The following KNTC1 variants were observed in gnomAD, a reference collection of about 807,000 sequenced individuals.
KNTC1 encodes kinetochore-associated protein 1.
KNTC1 carries 253 observed loss-of-function variants against 314.4 expected under a neutral mutation model. That is an observed-to-expected ratio of 0.80 (90% CI 0.73 to 0.89). The LOEUF (loss-of-function observed/expected upper bound fraction) is 0.89, where lower values mean the gene tolerates loss of function less well. KNTC1 is among the 40% of genes least tolerant of loss of function. The pLI is 0.00. For synonymous variants in KNTC1, 901 were observed against 901.4 expected (o/e 1.00, Z 0.01); for missense variants, 2,475 against 2,572.9 (o/e 0.96, Z 0.82).
At chr12:122,540,999 C>T (rs1234815917) in intron 5 of KNTC1, among the ~76,000 whole-genome samples, 1 of 151,858 alleles carries the variant, frequency 6.6e-6, no homozygotes, top group Non-Finnish European at 1.5e-5. Context: ...AGAGAGACCG[C>T]CACCTCTACA....
chr12:122,603,365 A>G (rs1872195740), intron 48 of KNTC1, 122 bp downstream of exon 48: 1 of 757,412 alleles, frequency 1.3e-6, no homozygotes. Flanking sequence ...ACTGTGGTGA[A>G]TGCTGAAACG....
chr12:122,548,828 C>T (rs1328513221), intron 12 of KNTC1, among the ~76,000 whole-genome samples: 2 of 151,968 alleles, frequency 1.3e-5, no homozygotes, highest in East Asian at 3.9e-4. Context: ...ATTAGCCGGG[C>T]TTGGTGGCGT....
rs796953117 is a variant in KNTC1, at chr12:122,601,587, C to T, written c.4615C>T (p.Arg1539Ter). 3.9e-6 allele frequency: 6 copies of T among 1,535,892 alleles called. No individual in the cohort carries two copies. Among genetic ancestry groups the T allele is most frequent in the South Asian group, 3.8e-5 (3 of 79,868 alleles). Reference protein sequence around the residue: ...MIEVVLKVIERADEKITNINI... With the variant: ...MIEVVLKVIE ...TGAAGTTGTCTTGAAAGTTATAGAACGAGCTGATGAAAAGATAACCAATAT... is the reference window on the plus strand; with the variant it reads ...TGAAGTTGTCTTGAAAGTTATAGAATGAGCTGATGAAAAGATAACCAATAT... The change falls in exon 45 of 64, where the codon CGA becomes TGA. Residue 1539 changes from arginine (R) to a stop codon, truncating the protein, a stop_gained. Transcript: ENST00000333479. LOFTEE classifies it high-confidence loss of function.
intron 32 of KNTC1, 145 bp downstream of exon 32, chr12:122,580,122 A>G (rs781404867): frequency 2.0e-5 from 12 of 612,414 alleles, no homozygotes; most frequent in Non-Finnish European, 3.5e-5. Context: ...TGCTTCATGA[A>G]AAGTCTTCCT....
intron 1 of KNTC1, among the ~76,000 whole-genome samples, chr12:122,528,422 G>C (rs1044729370): frequency 6.6e-6 from 1 of 152,112 alleles, no homozygotes; most frequent in African/African-American, 2.4e-5. Flanking sequence ...TTGAATGTTT[G>C]CCATCAACCA....
intron 44 of KNTC1, among the ~76,000 whole-genome samples, chr12:122,601,001 C>T (rs1411176312): frequency 3.3e-5 from 5 of 152,054 alleles, no homozygotes; most frequent in African/African-American, 1.2e-4. Flanking sequence ...TAAAAACAGC[C>T]TTTGATACCT....
chr12:122,596,274 G>T (rs1871036001), intron 43 of KNTC1, among the ~76,000 whole-genome samples: 1 of 151,766 alleles, frequency 6.6e-6, no homozygotes, highest in Non-Finnish European at 1.5e-5. Context: ...GTAGAGACCG[G>T]GTTTCACCAT....
chr12:122,575,506 G>A lies in KNTC1; in HGVS notation c.2383-37G>A, dbSNP rs117119880. On this transcript the variant is annotated intron_variant, in intron 27 of 63. Transcript: ENST00000333479. Reference sequence around the variant, plus strand: ...GTTCACTTGCATGCATCGTAAACCTGAGGGCTGTTCCTTGTCCATGCGTGC... The same window carrying A: ...GTTCACTTGCATGCATCGTAAACCTAAGGGCTGTTCCTTGTCCATGCGTGC... 169 of 1,426,840 alleles carry A rather than the reference G, an allele frequency of 1.2e-4. No individual in the cohort carries two copies. The East Asian group carries it at 4.1e-3, about 35-fold the overall frequency. 88.4% of individuals were successfully genotyped at this position (1,426,840 alleles called of 1,614,324 possible). A position where few individuals can be genotyped will look rare whatever the true frequency, so the allele number is the denominator to read the frequency against.
intron 62 of KNTC1, among the ~76,000 whole-genome samples, chr12:122,622,839 T>C (rs1345173138): frequency 6.6e-6 from 1 of 151,576 alleles, no homozygotes; most frequent in Non-Finnish European, 1.5e-5. Flanking sequence ...TCCCAGCTAC[T>C]AGGGAGGATA....
chr12:122,547,081 A>G (rs1051809170), intron 10 of KNTC1, among the ~76,000 whole-genome samples: 2 of 151,452 alleles, frequency 1.3e-5, no homozygotes, highest in African/African-American at 4.9e-5. Context: ...TGGTCCACCC[A>G]CCTTGGCCTC....
At chr12:122,612,296 C>A (rs1873227933) in intron 53 of KNTC1, among the ~76,000 whole-genome samples, 1 of 151,800 alleles carries the variant, frequency 6.6e-6, no homozygotes, top group African/African-American at 2.4e-5. Flanking sequence ...GAACTCCTGA[C>A]CTCAGGTGAT....
In KNTC1 at chr12:122,573,662, A is replaced by C. The variant is rs139132955; in HGVS notation, c.2283+377A>C. ...ATCAGTCAGCATATGTAAGAAGTAC[A>C]TTGGTTCGATCTGGAAAGGTGGGAC... On this transcript the variant is annotated intron_variant, in intron 26 of 63. Transcript: ENST00000333479. Among the ~76,000 whole-genome samples, 151 of 152,334 alleles carry C rather than the reference A, an allele frequency of 9.9e-4. 1 individual carries two copies. The highest frequency in any genetic ancestry group is 9.3e-3 in the Admixed American group (142 of 15,296).
intron 24 of KNTC1, among the ~76,000 whole-genome samples, chr12:122,572,426 G>A (rs2137919486): frequency 6.6e-6 from 1 of 151,154 alleles, no homozygotes. Context: ...GAAAAATTAA[G>A]TCTTGACAGT....
intron 31 of KNTC1, 30 bp from the exon 32 acceptor site, chr12:122,579,875 T>A (rs1965286896): frequency 6.6e-7 from 1 of 1,515,028 alleles, no homozygotes; most frequent in East Asian, 2.3e-5. Flanking sequence ...AGGAAGTAGA[T>A]TTTATTTCGC....
rs563028697 is a variant in KNTC1, at chr12:122,561,834, A to G, written c.1489-87A>G. On this transcript the variant is annotated intron_variant, in intron 18 of 63. Transcript: ENST00000333479. ...ACTTAAATGCAATTTATTTAAAAAAATTTTTTGTTATTTCACAGAAAATCC... is the reference window on the plus strand; with the variant it reads ...ACTTAAATGCAATTTATTTAAAAAAGTTTTTTGTTATTTCACAGAAAATCC... 4 of 1,101,484 alleles carry G rather than the reference A, an allele frequency of 3.6e-6. No individual in the cohort carries two copies. In the Admixed American group the frequency reaches 7.0e-5, roughly 19 times the overall value. The allele number at this position is 1,101,484 out of a possible 1,614,324, so 68.2% of individuals were successfully genotyped here.
At position 122,542,060 on chromosome 12, in the gene KNTC1, T is replaced by C. The variant is rs538391032; in HGVS notation, c.456T>C (p.Tyr152=). The part of the protein sequence containing the change: ...EKDGSNEGTY[Y]MLLLTYSGFF... ...ATTTTATTTCAATAGGTACCTATTA[T>C]ATGCTACTTCTTACATACAGTGGAT... Residue 152 remains tyrosine, a synonymous_variant, in exon 6 of 64, where the codon TAT becomes TAC. Coordinates refer to ENST00000333479, the MANE Select transcript of KNTC1 (RefSeq NM_014708.6). 9.8e-5 allele frequency: 150 copies of C among 1,536,260 alleles called. No individual in the cohort carries two copies. The highest frequency in any genetic ancestry group is 1.2e-4 in the Non-Finnish European group (134 of 1,134,644).
rs368902006 is a variant in KNTC1 at position 122,569,667 on chromosome 12, T to C, written c.1717-14T>C. ...AATTTGTCAGATCTTAATTTCTCGCTCCTTATAATTTAGGCAAACTTTGAA... is the reference window on the plus strand; with the variant it reads ...AATTTGTCAGATCTTAATTTCTCGCCCCTTATAATTTAGGCAAACTTTGAA... On this transcript the variant is annotated splice_polypyrimidine_tract_variant and intron_variant, in intron 21 of 63. Coordinates refer to ENST00000333479, the MANE Select transcript of KNTC1 (RefSeq NM_014708.6). 108 of 1,599,640 alleles carry C rather than the reference T, an allele frequency of 6.8e-5. No individual in the cohort carries two copies. The African/African-American group carries it at 1.4e-3, about 21-fold the overall frequency.
At chr12:122,579,667 A>G (rs1003970277) in intron 31 of KNTC1, among the ~76,000 whole-genome samples, 2 of 152,164 alleles carry the variant, frequency 1.3e-5, no homozygotes, top group African/African-American at 4.8e-5. Flanking sequence ...ATGTAGTTGA[A>G]AGGTTATTTG....
intron 20 of KNTC1, among the ~76,000 whole-genome samples, chr12:122,564,733 A>G (rs1037619486): frequency 6.6e-6 from 1 of 152,104 alleles, no homozygotes; most frequent in Admixed American, 6.6e-5. Context: ...CGGCCTCCCA[A>G]AGTGCTGGGA....
Sources: allele counts gnomAD v4.1 joint callset (sites outside exome capture counted in the v4.1 genomes callset), GRCh38; gene constraint gnomAD v4.1.1; transcripts MANE v1.5; gene names NCBI Gene and HGNC (gene_info 2026-07-23, HGNC 2026-07-21).